BZW1: variants seen among roughly 807,000 people sequenced by gnomAD.
BZW1 encodes basic leucine zipper and W2 domains 1.
In BZW1, 3 loss-of-function variants were observed where a neutral mutation model predicts 54.1. The ratio of observed to expected loss-of-function variants is 0.06; its 90% CI spans 0.03 to 0.14. The LOEUF (loss-of-function observed/expected upper bound fraction) is 0.14, where lower values mean the gene tolerates loss of function less well. Ranked by LOEUF, BZW1 falls within the 10% of genes least tolerant of loss-of-function variation. BZW1 has a pLI of 1.00. For missense variants in BZW1, 206 were observed against 491.7 expected (o/e 0.42, Z 5.50); for synonymous variants, 152 against 162.7 (o/e 0.93, Z 0.50).
chr2:200,818,468 C>G (rs1040485201), intron 8 of BZW1, 75 bp downstream of exon 8: 2 of 1,489,964 alleles, frequency 1.3e-6, no homozygotes, highest in East Asian at 4.5e-5. Context: ...GAGGAACTTA[C>G]TTCACCAGGA....
At chr2:200,815,123 C>G (rs370405281) in intron 2 of BZW1, among the ~76,000 whole-genome samples, 66 of 152,216 alleles carry the variant, frequency 4.3e-4, no homozygotes, top group African/African-American at 1.3e-3. Flanking sequence ...AGTAGGAACA[C>G]AAGACACTAG....
At chr2:200,816,448 T>C in intron 5 of BZW1, 58 bp downstream of exon 5, 1 of 1,264,618 alleles carries the variant, frequency 7.9e-7, no homozygotes, top group Non-Finnish European at 1.1e-6. Context: ...AAGAGGAATG[T>C]TAAATCCTAA....
Position 200,825,747 on chromosome 2 carries a change from C to T in BZW1, c.*3569C>T, listed in dbSNP as rs1330535755. The T allele has an allele frequency of 6.6e-6, 1 of 152,318 alleles. No individual in the cohort carries two copies. Among genetic ancestry groups the T allele is most frequent in the Non-Finnish European group, 1.5e-5 (1 of 68,026 alleles). The allele number at this position is 152,318 out of a possible 1,614,324, so 9.4% of individuals were successfully genotyped here. The stretch of plus-strand genomic sequence containing the variant: ...AGTTGTAGGCATAACACTGATAAAC[C>T]TCTGCTCTCATACTGAAGTAGGCTG... On this transcript the variant is annotated 3_prime_UTR_variant, in exon 12 of 12. Coordinates refer to ENST00000409600, the MANE Select transcript of BZW1 (RefSeq NM_001207067.2).
At chr2:200,819,803 T>TG (rs1228312697) in intron 9 of BZW1, among the ~76,000 whole-genome samples, 179 bp from the exon 10 acceptor site, 1 of 152,200 alleles carries the variant, frequency 6.6e-6, no homozygotes, top group Non-Finnish European at 1.5e-5. Context: ...CCCAAAGTGC[T>TG]GGGATTACAG....
intron 11 of BZW1, 52 bp downstream of exon 11, chr2:200,821,357 C>A (rs375630241): frequency 8.3e-5 from 132 of 1,598,944 alleles, no homozygotes; most frequent in Non-Finnish European, 1.1e-4. Context: ...TTTAATGTGG[C>A]CATAATATAT....
At position 200,825,318 on chromosome 2, in the gene BZW1, A is replaced by G. The variant is rs1193825724; in HGVS notation, c.*3140A>G. ...CGTGGTCTGCCTGCCTTGGCCTCCC[A>G]AAGTGCTGGGATTACAGGCGTGAGC... On this transcript the variant is annotated 3_prime_UTR_variant, in exon 12 of 12. Coordinates refer to ENST00000409600, the MANE Select transcript of BZW1 (RefSeq NM_001207067.2). 6.6e-6 allele frequency: 1 copy of G among 151,442 alleles called. No individual in the cohort carries two copies. The highest frequency in any genetic ancestry group is 1.5e-5 in the Non-Finnish European group (1 of 67,938). 9.4% of individuals were successfully genotyped at this position (151,442 alleles called of 1,614,324 possible).
chr2:200,820,763 C>G (rs2038479550), intron 10 of BZW1, among the ~76,000 whole-genome samples: 4 of 152,168 alleles, frequency 2.6e-5, no homozygotes, highest in Admixed American at 2.6e-4. Flanking sequence ...AGTCTTCAGC[C>G]TGTGTGAATC....
chr2:200,815,623 T>C, intron 3 of BZW1, 44 bp from the exon 4 acceptor site: 1 of 1,582,974 alleles, frequency 6.3e-7, no homozygotes, highest in Non-Finnish European at 8.6e-7. Flanking sequence ...TAAAATGGAG[T>C]GATTTTTTTG....
In BZW1 at chr2:200,824,069, A is replaced by G. The variant is rs540751501; in HGVS notation, c.*1891A>G. On this transcript the variant is annotated 3_prime_UTR_variant, in exon 12 of 12. Coordinates refer to ENST00000409600, the MANE Select transcript of BZW1 (RefSeq NM_001207067.2). ...CAAAGTGTGCCATTTTATACTGTGT[A>G]TAGTGAAAAAGTGTGTCATCTTCCA... 111 of 152,312 alleles carry G rather than the reference A, an allele frequency of 7.3e-4. No individual in the cohort carries two copies. The highest frequency in any genetic ancestry group is 2.4e-3 in the African/African-American group (99 of 41,572). The allele number at this position is 152,312 out of a possible 1,614,324, so 9.4% of individuals were successfully genotyped here. A position where few individuals can be genotyped will look rare whatever the true frequency, so the allele number is the denominator to read the frequency against.
intron 10 of BZW1, 24 bp from the exon 11 acceptor site, chr2:200,821,159 T>C: frequency 6.2e-7 from 1 of 1,610,644 alleles, no homozygotes; most frequent in Non-Finnish European, 8.5e-7. Flanking sequence ...AAAACTCCCT[T>C]AATGCAATGA....
intron 1 of BZW1, chr2:200,812,946 C>T: frequency 3.0e-6 from 2 of 674,274 alleles, no homozygotes; most frequent in African/African-American, 3.5e-5. Context: ...GACGGGTGAT[C>T]ACTGTAGCAC....
At position 200,812,365 on chromosome 2, in the gene BZW1, G is replaced by A. The variant is rs1376474375; in HGVS notation, c.-11+375G>A. The A allele has an allele frequency of 3.9e-6, 5 of 1,283,288 alleles. 1 individual carries two copies. The South Asian group carries it at 1.1e-4, about 27-fold the overall frequency. The allele number at this position is 1,283,288 out of a possible 1,614,324, so 79.5% of individuals were successfully genotyped here. ...GGAGGGGCTGCCACCCACCACCGCT[G>A]CGGCCGCCGCCTCCGCCGCTGCTTT... On this transcript the variant is annotated intron_variant, in intron 1 of 11. Coordinates refer to ENST00000409600, the MANE Select transcript of BZW1 (RefSeq NM_001207067.2).
At position 200,826,407 on chromosome 2, in the gene BZW1, A is replaced by AGATAGATAGATAGATATTTTTTT. The variant is rs1559318394; in HGVS notation, c.*4229_*4230insGATAGATAGATAGATATTTTTTT. The AGATAGATAGATAGATATTTTTTT allele has an allele frequency of 5.5e-5, 3 of 54,948 alleles. No homozygotes were observed. The highest frequency in any genetic ancestry group is 5.3e-4 in the South Asian group (1 of 1,890). The allele number at this position is 54,948 out of a possible 1,614,324, so 3.4% of individuals were successfully genotyped here. Reference sequence around the variant, plus strand: ...TAGATAGATAGATAGATAGATAGATATTTTTTTTTTTTTTTTTTTTTTTTT... The same window carrying AGATAGATAGATAGATATTTTTTT: ...TAGATAGATAGATAGATAGATAGATAGATAGATAGATAGATATTTTTTTTTTTTTTTTTTTTTTTTTTTTTTTT... On this transcript the variant is annotated 3_prime_UTR_variant, in exon 12 of 12. Coordinates refer to ENST00000409600, the MANE Select transcript of BZW1 (RefSeq NM_001207067.2).
In BZW1 at chr2:200,821,638, A is replaced by G. The variant is rs546970428; in HGVS notation, c.1228+333A>G. Among the ~76,000 whole-genome samples, 14 of 152,140 alleles carry G rather than the reference A, an allele frequency of 9.2e-5. No homozygotes were observed. In the South Asian group the frequency reaches 2.1e-3, roughly 23 times the overall value. ...GGTCTTGAACTCCTGGGCTCAAACAACCTTCCTGCCTCAGCCTCACAAAGT... is the reference window on the plus strand; with the variant it reads ...GGTCTTGAACTCCTGGGCTCAAACAGCCTTCCTGCCTCAGCCTCACAAAGT... On this transcript the variant is annotated intron_variant, in intron 11 of 11. Transcript: ENST00000409600.
In BZW1 at chr2:200,824,361, A is replaced by G. The variant is rs1315737396; in HGVS notation, c.*2183A>G. 6.6e-6 allele frequency: 1 copy of G among 152,132 alleles called. No individual in the cohort carries two copies. Among genetic ancestry groups the G allele is most frequent in the Non-Finnish European group, 1.5e-5 (1 of 68,026 alleles). 9.4% of individuals were successfully genotyped at this position (152,132 alleles called of 1,614,324 possible). A position where few individuals can be genotyped will look rare whatever the true frequency, so the allele number is the denominator to read the frequency against. On this transcript the variant is annotated 3_prime_UTR_variant, in exon 12 of 12. Transcript: ENST00000409600. ...ATATAGATGTTAAATTGTACTTTTA[A>G]TTATGATTGGATAAATGTTTTTTCT...
rs1471749278 is a variant in BZW1 at position 200,825,218 on chromosome 2, C to G, written c.*3040C>G. ...TAGCTGGGATTACAGGCGGCCACCA[C>G]CACCCCTGGCTAATTTTTGTATTTT... On this transcript the variant is annotated 3_prime_UTR_variant, in exon 12 of 12. Coordinates refer to ENST00000409600, the MANE Select transcript of BZW1 (RefSeq NM_001207067.2). 2.6e-5 allele frequency: 4 copies of G among 152,222 alleles called. No individual in the cohort carries two copies. Among genetic ancestry groups the G allele is most frequent in the African/African-American group, 4.8e-5 (2 of 41,414 alleles). The allele number at this position is 152,222 out of a possible 1,614,324, so 9.4% of individuals were successfully genotyped here.
chr2:200,819,953 A>G, intron 9 of BZW1, 29 bp from the exon 10 acceptor site: 1 of 1,469,896 alleles, frequency 6.8e-7, no homozygotes. Context: ...GTAATGAATG[A>G]CTAAATCTTT....
chr2:200,816,402 A>T lies in BZW1; in HGVS notation c.402+12A>T. On this transcript the variant is annotated intron_variant, in intron 5 of 11. Coordinates refer to ENST00000409600, the MANE Select transcript of BZW1 (RefSeq NM_001207067.2). ...ATGAAGTAAAAAAGGTATGAGTAAT[A>T]ATGTACTTTGTGGAAAAGAAAAAAA... 1 of 1,543,524 alleles carries T rather than the reference A, an allele frequency of 6.5e-7. No individual in the cohort carries two copies. Among genetic ancestry groups the T allele is most frequent in the Non-Finnish European group, 8.9e-7 (1 of 1,129,506 alleles).
Position 200,816,253 on chromosome 2 carries a change from G to A in BZW1, c.337-72G>A, listed in dbSNP as rs774303443. ...TTTAAGCAGCTCATAAACTTACATC[G>A]AGTGAAAGGTTTACTACTTTGCTAT... On this transcript the variant is annotated intron_variant, in intron 4 of 11. Transcript: ENST00000409600. The A allele has an allele frequency of 1.8e-5, 20 of 1,089,262 alleles. 1 individual carries two copies. Among genetic ancestry groups the A allele is most frequent in the African/African-American group, 4.7e-5 (3 of 63,408 alleles). 67.5% of individuals were successfully genotyped at this position (1,089,262 alleles called of 1,614,324 possible).
Sources: allele counts gnomAD v4.1 joint callset (sites outside exome capture counted in the v4.1 genomes callset), GRCh38; gene constraint gnomAD v4.1.1; transcripts MANE v1.5; gene names NCBI Gene and HGNC (gene_info 2026-07-23, HGNC 2026-07-21).